NEGR1: variants seen among roughly 807,000 people sequenced by gnomAD.
NEGR1 encodes the protein IgLON family member 4.
Under a neutral mutation model 40.9 loss-of-function variants are expected in NEGR1, and 10 were observed. That is an observed-to-expected ratio of 0.24 (90% CI 0.15 to 0.42). The LOEUF (loss-of-function observed/expected upper bound fraction) is 0.42. NEGR1 is among the 10% of genes least tolerant of loss of function. The probability of loss-of-function intolerance (pLI) is 1.00; values close to 1 mark genes in which losing one functional copy is unlikely to be tolerated. For missense variants in NEGR1, 352 were observed against 438.9 expected (o/e 0.80, Z 1.77); for synonymous variants, 185 against 166.8 (o/e 1.11, Z -0.84).
intron 4 of NEGR1, among the ~76,000 whole-genome samples, chr1:71,651,174 T>C (rs1243178154): frequency 6.6e-6 from 1 of 152,092 alleles, no homozygotes; most frequent in Non-Finnish European, 1.5e-5. Context: ...TAAAATATAT[T>C]TACATGATCA....
intron 4 of NEGR1, among the ~76,000 whole-genome samples, chr1:71,687,652 G>T (rs996186556): frequency 6.6e-6 from 1 of 152,134 alleles, no homozygotes; most frequent in African/African-American, 2.4e-5. Flanking sequence ...TTATTTCAGT[G>T]TCAGCCATTC....
intron 1 of NEGR1, among the ~76,000 whole-genome samples, chr1:72,048,867 T>G (rs558442657): frequency 1.3e-5 from 2 of 151,658 alleles, no homozygotes; most frequent in Admixed American, 6.6e-5. Flanking sequence ...CCTAGAGATA[T>G]TCTCCTATTA....
intron 6 of NEGR1, among the ~76,000 whole-genome samples, chr1:71,555,009 G>A (rs1332752765): frequency 1.3e-5 from 2 of 151,534 alleles, no homozygotes; most frequent in East Asian, 3.9e-4. Flanking sequence ...CTCATTAAAA[G>A]GAATCTATTT....
At chr1:71,840,842 A>G (rs551602726) in intron 2 of NEGR1, among the ~76,000 whole-genome samples, 1 of 152,176 alleles carries the variant, frequency 6.6e-6, no homozygotes, top group Non-Finnish European at 1.5e-5. Flanking sequence ...TAAATAAAGT[A>G]GATTGCCTTT....
At chr1:71,958,869 C>A (rs1206992436) in intron 1 of NEGR1, among the ~76,000 whole-genome samples, 3 of 150,986 alleles carry the variant, frequency 2.0e-5, no homozygotes, top group Non-Finnish European at 2.9e-5. Context: ...GCAGGAGAAT[C>A]GCTTGAACCT....
intron 1 of NEGR1, among the ~76,000 whole-genome samples, chr1:72,071,184 G>T (rs1228309136): frequency 6.6e-6 from 1 of 151,700 alleles, no homozygotes; most frequent in Non-Finnish European, 1.5e-5. Flanking sequence ...TTATTGAAAT[G>T]AGAAAAAAAG....
intron 2 of NEGR1, among the ~76,000 whole-genome samples, chr1:71,923,367 A>ACT (rs1402809990): frequency 1.1e-4 from 17 of 150,628 alleles, no homozygotes; most frequent in Non-Finnish European, 2.1e-4. Flanking sequence ...ACACACACAC[A>ACT]CACTCTCTCT....
intron 6 of NEGR1, among the ~76,000 whole-genome samples, chr1:71,418,501 T>C (rs1412668722): frequency 6.6e-6 from 1 of 151,916 alleles, no homozygotes; most frequent in Non-Finnish European, 1.5e-5. Context: ...TTTTAATATG[T>C]AGCTCCTCTA....
intron 6 of NEGR1, among the ~76,000 whole-genome samples, chr1:71,542,389 C>T (rs1647743214): frequency 6.6e-6 from 1 of 151,734 alleles, no homozygotes; most frequent in African/African-American, 2.4e-5. Flanking sequence ...AGCAACAGCA[C>T]ATTCTGTACT....
At chr1:71,758,031 CTAT>C (rs1655802002) in intron 3 of NEGR1, among the ~76,000 whole-genome samples, 1 of 151,856 alleles carries the variant, frequency 6.6e-6, no homozygotes, top group Admixed American at 6.6e-5. Flanking sequence ...TACATTGCTG[CTAT>C]TATTATCATC....
chr1:71,551,956 CTTCT>C (rs1030404316), intron 6 of NEGR1, among the ~76,000 whole-genome samples: 1 of 151,468 alleles, frequency 6.6e-6, no homozygotes, highest in African/African-American at 2.4e-5. Context: ...TTTTCTTCTT[CTTCT>C]TTTTAGAATA....
chr1:71,884,954 C>G (rs2101847259), intron 2 of NEGR1, among the ~76,000 whole-genome samples: 1 of 152,266 alleles, frequency 6.6e-6, no homozygotes, highest in South Asian at 2.1e-4. Context: ...AAGCTAAAAT[C>G]AGTGCCAGGT....
chr1:72,038,798 A>G (rs2100452436), intron 1 of NEGR1, among the ~76,000 whole-genome samples: 1 of 152,154 alleles, frequency 6.6e-6, no homozygotes, highest in South Asian at 2.1e-4. Context: ...ATTCCAGTGC[A>G]ACACTGAGTA....
intron 2 of NEGR1, among the ~76,000 whole-genome samples, chr1:71,856,286 T>G (rs1403586798): frequency 6.6e-6 from 1 of 152,080 alleles, no homozygotes; most frequent in Non-Finnish European, 1.5e-5. Context: ...TGATAAATTA[T>G]GAGAAGCAGC....
intron 1 of NEGR1, among the ~76,000 whole-genome samples, chr1:72,123,183 T>G (rs979798770): frequency 3.3e-5 from 5 of 151,968 alleles, no homozygotes; most frequent in Non-Finnish European, 7.4e-5. Flanking sequence ...TTCATTTTCA[T>G]GCATATTTGG....
At chr1:71,410,311 G>A (rs756344451) in intron 6 of NEGR1, among the ~76,000 whole-genome samples, 4 of 152,044 alleles carry the variant, frequency 2.6e-5, no homozygotes, top group Non-Finnish European at 5.9e-5. Context: ...TCACCATAAT[G>A]TGAGATCAGA....
At chr1:71,463,410 T>A (rs183365911) in intron 6 of NEGR1, 23 of 152,244 alleles carry the variant, frequency 1.5e-4, no homozygotes, top group African/African-American at 5.3e-4. Flanking sequence ...ACGAACAATT[T>A]TTTTGTGTCA....
At chr1:72,116,089 A>G (rs1649568864) in intron 1 of NEGR1, among the ~76,000 whole-genome samples, 1 of 151,772 alleles carries the variant, frequency 6.6e-6, no homozygotes, top group African/African-American at 2.4e-5. Context: ...GCATTACTGT[A>G]TTATTATCAG....
chr1:71,621,891 G>A (rs112527530), intron 4 of NEGR1, among the ~76,000 whole-genome samples: 110 of 151,962 alleles, frequency 7.2e-4, no homozygotes, highest in Non-Finnish European at 1.4e-3. Context: ...ACATGTTAGA[G>A]GCCATAGATG....
Sources: gnomAD v4.1 joint callset for allele counts (sites outside exome capture counted in the v4.1 genomes callset) on GRCh38, gnomAD v4.1.1 for gene constraint, MANE v1.5 for transcripts, NCBI Gene and HGNC (gene_info 2026-07-23, HGNC 2026-07-21) for gene names.